The following S100PBP variants were observed in gnomAD, a reference collection of about 807,000 sequenced individuals.
The protein encoded by S100PBP is S100P binding protein, also known as S100P-binding protein.
In S100PBP, 15 loss-of-function variants were observed where a neutral mutation model predicts 39.9. The ratio of observed to expected loss-of-function variants is 0.38; its 90% confidence interval spans 0.25 to 0.58. The LOEUF (loss-of-function observed/expected upper bound fraction) is 0.58. S100PBP is among the 20% of genes least tolerant of loss of function. S100PBP has a pLI of 0.70. For missense variants in S100PBP, 504 were observed against 487.3 expected (o/e 1.03, Z -0.32); for synonymous variants, 178 against 180.3 (o/e 0.99, Z 0.10).
intron 5 of S100PBP, among the ~76,000 whole-genome samples, chr1:32,846,090 A>G (rs753420194): frequency 2.6e-5 from 4 of 151,226 alleles, no homozygotes; most frequent in Non-Finnish European, 5.9e-5. Context: ...CCTGGGTTCA[A>G]GCAATTCTCC....
At chr1:32,836,351 C>T (rs924218605) in intron 5 of S100PBP, 2 of 161,568 alleles carry the variant, frequency 1.2e-5, no homozygotes, top group Non-Finnish European at 2.6e-5. Context: ...AGGCTGGTCT[C>T]GAACTCCTGA....
intron 1 of S100PBP, among the ~76,000 whole-genome samples, chr1:32,820,830 A>G (rs925302062): frequency 1.3e-5 from 2 of 152,066 alleles, no homozygotes; most frequent in African/African-American, 2.4e-5. Flanking sequence ...TAATGAGACT[A>G]TGTCTCTACA....
At chr1:32,817,374 CT>C, upstream of S100PBP, 1 of 1,198,576 alleles carries the variant, frequency 8.3e-7, no homozygotes, top group Non-Finnish European at 1.2e-6. Context: ...CGGCGCTCCG[CT>C]TACTCGGCCT....
At chr1:32,837,579 A>AG (rs1433706370) in intron 5 of S100PBP, among the ~76,000 whole-genome samples, 2 of 151,126 alleles carry the variant, frequency 1.3e-5, no homozygotes, top group African/African-American at 4.9e-5. Flanking sequence ...AAAAAAAAAA[A>AG]AAAAGATAAT....
At chr1:32,830,705 G>A (rs1379653440) in intron 5 of S100PBP, among the ~76,000 whole-genome samples, 1 of 152,200 alleles carries the variant, frequency 6.6e-6, no homozygotes, top group Non-Finnish European at 1.5e-5. Context: ...AACTGAAGGT[G>A]AAGAGGTTAG....
At chr1:32,852,122 C>T (rs1024983939) in intron 5 of S100PBP, among the ~76,000 whole-genome samples, 2 of 151,900 alleles carry the variant, frequency 1.3e-5, no homozygotes, top group Non-Finnish European at 2.9e-5. Context: ...AGTCCAGCCT[C>T]GCCAACATGA....
At chr1:32,817,385 T>G, upstream of S100PBP, 1 of 1,062,420 alleles carries the variant, frequency 9.4e-7, no homozygotes, top group Non-Finnish European at 1.4e-6. Context: ...TTACTCGGCC[T>G]GGACCCCTCC....
intron 5 of S100PBP, chr1:32,852,873 T>C: frequency 1.9e-6 from 1 of 517,930 alleles, no homozygotes; most frequent in South Asian, 2.3e-5. Flanking sequence ...GAATGAATGG[T>C]GGCTGCTATT....
intron 1 of S100PBP, among the ~76,000 whole-genome samples, chr1:32,823,681 T>C (rs1296918611): frequency 2.6e-5 from 4 of 152,232 alleles, no homozygotes; most frequent in Non-Finnish European, 5.9e-5. Context: ...CTCCCTTTGC[T>C]TCTCTTTCTC....
upstream of S100PBP, chr1:32,817,347 G>C: frequency 1.3e-6 from 2 of 1,485,436 alleles, no homozygotes; most frequent in Non-Finnish European, 9.3e-7. Flanking sequence ...GTCCAGCCAG[G>C]TTGCATCAGC....
At chr1:32,820,144 C>T (rs1240888566) in intron 1 of S100PBP, among the ~76,000 whole-genome samples, 21 of 104,790 alleles carry the variant, frequency 2.0e-4, no homozygotes, top group South Asian at 3.0e-4. Flanking sequence ...CGTTCCTATG[C>T]TTTTTTTTTT....
chr1:32,839,263 C>T (rs1187190328), intron 5 of S100PBP, among the ~76,000 whole-genome samples: 3 of 152,202 alleles, frequency 2.0e-5, no homozygotes, highest in Non-Finnish European at 4.4e-5. Context: ...TGGCTTATTT[C>T]ACTTAGCACA....
At chr1:32,838,333 CAAAAAAAA>C (rs770251816) in intron 5 of S100PBP, among the ~76,000 whole-genome samples, 1 of 67,876 alleles carries the variant, frequency 1.5e-5, no homozygotes, top group Non-Finnish European at 2.8e-5. Context: ...GACTCTGTCT[CAAAAAAAA>C]AAAAAAAAAA....
At position 32,827,984 on chromosome 1, in the gene S100PBP, T is replaced by G; in HGVS notation, c.832-9T>G. On this transcript the variant is annotated splice_polypyrimidine_tract_variant and intron_variant, in intron 3 of 6. Transcript: ENST00000373475. ...ACCTTTCCTTTTGCATTCCTTTTCC[T>G]CAAAAAAGCAGGATGTTCTTAACAA... is the stretch of plus-strand genomic sequence containing the variant. 6.3e-7 allele frequency: 1 copy of G among 1,592,856 alleles called. No homozygotes were observed. The highest frequency in any genetic ancestry group is 8.6e-7 in the Non-Finnish European group (1 of 1,163,378).
chr1:32,845,173 C>T (rs1209375106), intron 5 of S100PBP, among the ~76,000 whole-genome samples: 3 of 151,946 alleles, frequency 2.0e-5, no homozygotes, highest in Non-Finnish European at 2.9e-5. Context: ...TACAGGCGCC[C>T]GCCACCTCAC....
In S100PBP at chr1:32,826,921, A is replaced by G. The variant is rs1212135715; in HGVS notation, c.822A>G (p.Ser274=). Residue 274 remains serine (S), a synonymous_variant, in exon 3 of 7, where the codon TCA becomes TCG. Coordinates refer to ENST00000373475, the MANE Select transcript of S100PBP (RefSeq NM_022753.4). ...CEMRSLVVST[S]SNKQDVLNKD... is the part of the protein sequence containing the mutation. Reference sequence around the variant, plus strand: ...TGAGATCTCTGGTTGTTTCCACCTCATCAAACAAAGTAAGTATATTTTATT... The same window carrying G: ...TGAGATCTCTGGTTGTTTCCACCTCGTCAAACAAAGTAAGTATATTTTATT... 1 of 1,570,702 alleles carries G rather than the reference A, an allele frequency of 6.4e-7. No individual in the cohort carries two copies. Among genetic ancestry groups the G allele is most frequent in the Admixed American group, 2.0e-5 (1 of 50,714 alleles).
chr1:32,855,184 G>A (rs1232237264), intron 6 of S100PBP, among the ~76,000 whole-genome samples: 1 of 152,084 alleles, frequency 6.6e-6, no homozygotes, highest in African/African-American at 2.4e-5. Flanking sequence ...CTGATTCCAG[G>A]TATTCTAAGT....
chr1:32,840,506 G>A (rs549055740), intron 5 of S100PBP, among the ~76,000 whole-genome samples: 2 of 150,116 alleles, frequency 1.3e-5, no homozygotes, highest in Admixed American at 6.7e-5. Flanking sequence ...ACAGGCACCC[G>A]CCACCACGCC....
chr1:32,850,301 A>T (rs1369907363), intron 5 of S100PBP, among the ~76,000 whole-genome samples: 1 of 152,194 alleles, frequency 6.6e-6, no homozygotes, highest in Non-Finnish European at 1.5e-5. Context: ...GGAAAAATGT[A>T]TCTTGAAATT....
Sources: allele counts gnomAD v4.1 joint callset (sites outside exome capture counted in the v4.1 genomes callset), GRCh38; gene constraint gnomAD v4.1.1; transcripts MANE v1.5; gene names NCBI Gene and HGNC (gene_info 2026-07-23, HGNC 2026-07-21).